Variants in DNAAF9 observed in about 807,000 individuals in gnomAD.
DNAAF9 encodes dynein axonemal assembly factor 9, also known as shulin.
DNAAF9 carries 90 observed loss-of-function variants against 167.0 expected under a neutral mutation model. The ratio of observed to expected loss-of-function variants is 0.54; its 90% confidence interval spans 0.45 to 0.64. DNAAF9 has a LOEUF of 0.64. Among genes scored for constraint, DNAAF9 ranks in the 30% least tolerant of loss-of-function variants. DNAAF9 has a pLI of 0.00. For missense variants in DNAAF9, 1,315 were observed against 1,442.2 expected, an observed-to-expected ratio of 0.91 and a Z score of 1.43; for synonymous variants, 491 against 508.8, an observed-to-expected ratio of 0.96 and a Z score of 0.47.
intron 1 of DNAAF9, among the ~76,000 whole-genome samples, chr20:3,386,427 C>T (rs538988586): frequency 7.2e-5 from 11 of 152,098 alleles, no homozygotes; most frequent in Admixed American, 2.0e-4. Context: ...TGGATATCTA[C>T]GGGCAAAAAT....
rs541601971 is a variant in DNAAF9 at position 3,269,496 on chromosome 20, C to T, written c.2786+931G>A. Among the ~76,000 whole-genome samples the T allele has an allele frequency of 4.6e-5, 7 of 152,184 alleles. No individual in the cohort carries two copies. The South Asian group carries it at 1.2e-3, about 27-fold the overall frequency. On this transcript the variant is annotated intron_variant, in intron 30 of 36. Transcript: ENST00000252032. ...GGATTACAGGTTGAGCCATCACATCCGACCCTTCTCTACGTTCTCTATGCC... is the reference window on the plus strand; with the variant it reads ...GGATTACAGGTTGAGCCATCACATCTGACCCTTCTCTACGTTCTCTATGCC...
intron 3 of DNAAF9, among the ~76,000 whole-genome samples, chr20:3,379,856 G>A (rs1405857083): frequency 2.0e-5 from 3 of 151,026 alleles, no homozygotes; most frequent in African/African-American, 4.9e-5. Flanking sequence ...TCAGGAGTTC[G>A]AGACCAGCCT....
In DNAAF9 at chr20:3,348,525, C is replaced by G. The variant is rs2070243524; in HGVS notation, c.789G>C (p.Glu263Asp). The part of the protein sequence containing the change: ...LLELSESQAG[E>D]PFRSYFSHGM... ...CCTCTTTGACCCTTCCCTTACATAC[C>G]TCACCCGCCTGAGATTCTGAAAGTT... Residue 263 changes from glutamate to aspartate, a missense_variant and splice_region_variant, in exon 8 of 37, where the codon GAG becomes GAC. This residue lies in a region of DNAAF9 where 981 missense variants were observed against 1,012.5 expected (regional missense o/e 0.97). Coordinates refer to ENST00000252032, the MANE Select transcript of DNAAF9 (RefSeq NM_001009984.3). The G allele has an allele frequency of 6.4e-7, 1 of 1,566,360 alleles. No homozygotes were observed. The highest frequency in any genetic ancestry group is 8.7e-7 in the Non-Finnish European group (1 of 1,144,660).
intron 4 of DNAAF9, 107 bp downstream of exon 4, chr20:3,376,071 A>G: frequency 1.0e-6 from 1 of 999,988 alleles, no homozygotes; most frequent in Non-Finnish European, 1.5e-6. Context: ...TCTTTTTTAT[A>G]TAGTCACACT....
At chr20:3,269,868 G>C (rs1456087432) in intron 30 of DNAAF9, among the ~76,000 whole-genome samples, 1 of 151,566 alleles carries the variant, frequency 6.6e-6, no homozygotes, top group Non-Finnish European at 1.5e-5. Flanking sequence ...TGAGGCAGGA[G>C]AATGGCGTGA....
chr20:3,373,129 C>G (rs1197827844), intron 6 of DNAAF9, among the ~76,000 whole-genome samples: 1 of 152,184 alleles, frequency 6.6e-6, no homozygotes, highest in Non-Finnish European at 1.5e-5. Flanking sequence ...GTATGCTTCC[C>G]TTCAGCCCCA....
intron 15 of DNAAF9, 35 bp from the exon 16 acceptor site, chr20:3,322,297 G>A: frequency 6.7e-7 from 1 of 1,502,634 alleles, no homozygotes; most frequent in Non-Finnish European, 9.2e-7. Context: ...CTATGTTAAA[G>A]AGTTTTTAAG....
At chr20:3,407,040 A>C (rs1045664653) in intron 1 of DNAAF9, among the ~76,000 whole-genome samples, 1 of 152,030 alleles carries the variant, frequency 6.6e-6, no homozygotes, top group African/African-American at 2.4e-5. Context: ...TGGAGGTGTG[A>C]GGTCTGTAGA....
At chr20:3,327,476 C>G (rs757050307) in intron 12 of DNAAF9, among the ~76,000 whole-genome samples, 6 of 151,998 alleles carry the variant, frequency 3.9e-5, no homozygotes, top group Non-Finnish European at 7.4e-5. Context: ...AGAGAAGGGG[C>G]TCATCCAAGG....
chr20:3,332,898 G>A (rs1048906777), intron 10 of DNAAF9, among the ~76,000 whole-genome samples: 3 of 111,670 alleles, frequency 2.7e-5, no homozygotes, highest in African/African-American at 3.9e-5. Flanking sequence ...GTGTGTGCGT[G>A]TGGTGTGTGT....
chr20:3,254,052 T>C (rs1346734714), intron 35 of DNAAF9, among the ~76,000 whole-genome samples: 2 of 152,192 alleles, frequency 1.3e-5, no homozygotes, highest in African/African-American at 2.4e-5. Flanking sequence ...TGTGCAGTGG[T>C]ACTGATGTGC....
chr20:3,282,325 T>A (rs945602687), intron 27 of DNAAF9, among the ~76,000 whole-genome samples: 10 of 151,698 alleles, frequency 6.6e-5, no homozygotes, highest in African/African-American at 9.7e-5. Flanking sequence ...TCAAATATAT[T>A]TTTTTTGGTC....
chr20:3,346,960 C>T (rs1700932073), intron 8 of DNAAF9, among the ~76,000 whole-genome samples: 2 of 152,104 alleles, frequency 1.3e-5, no homozygotes, highest in Non-Finnish European at 2.9e-5. Flanking sequence ...GAAGAGTTAA[C>T]AGCGAAACAC....
At chr20:3,355,377 C>T (rs1304733072) in intron 7 of DNAAF9, among the ~76,000 whole-genome samples, 1 of 152,116 alleles carries the variant, frequency 6.6e-6, no homozygotes, top group East Asian at 1.9e-4. Flanking sequence ...GAGTTTGAGA[C>T]CAGCCTGGTC....
At chr20:3,314,979 C>A (rs1477649428) in intron 20 of DNAAF9, 54 bp downstream of exon 20, 1 of 925,924 alleles carries the variant, frequency 1.1e-6, no homozygotes, top group African/African-American at 1.6e-5. Context: ...ATGCTGACAT[C>A]TGCAAATGAG....
intron 30 of DNAAF9, among the ~76,000 whole-genome samples, chr20:3,269,589 T>C (rs1287263986): frequency 6.6e-6 from 1 of 152,114 alleles, no homozygotes; most frequent in Non-Finnish European, 1.5e-5. Context: ...TGGATGAGAA[T>C]GTGAATGGAT....
intron 25 of DNAAF9, among the ~76,000 whole-genome samples, chr20:3,290,863 A>C (rs1352848886): frequency 6.8e-6 from 1 of 147,832 alleles, no homozygotes; most frequent in African/African-American, 2.5e-5. Flanking sequence ...ATCTCAGCTC[A>C]CTACAACCTC....
At chr20:3,265,083 C>A (rs1307386975) in intron 30 of DNAAF9, among the ~76,000 whole-genome samples, 1 of 152,148 alleles carries the variant, frequency 6.6e-6, no homozygotes, top group Non-Finnish European at 1.5e-5. Context: ...TGGCTCCCAG[C>A]AATCACCTGG....
At chr20:3,374,581 T>G (rs750702) in intron 5 of DNAAF9, among the ~76,000 whole-genome samples, 31,114 of 152,220 alleles carry the variant, frequency 0.2, 4,021 homozygotes, top group South Asian at 0.41. Context: ...TAACAATAGC[T>G]TCAATGTGCA....
Sources: gnomAD v4.1 joint callset for allele counts (sites outside exome capture counted in the v4.1 genomes callset) on GRCh38, gnomAD v4.1.1 for gene constraint, gnomAD v4.1.1 regional missense constraint, MANE v1.5 for transcripts, NCBI Gene and HGNC (gene_info 2026-07-23, HGNC 2026-07-21) for gene names.